DYNC1I1: variants seen among roughly 807,000 people sequenced by gnomAD.
DYNC1I1 encodes dynein cytoplasmic 1 intermediate chain 1.
DYNC1I1 carries 43 observed loss-of-function variants against 86.6 expected under a neutral mutation model. That is an observed-to-expected ratio of 0.50 (90% confidence interval 0.39 to 0.64). DYNC1I1 has a LOEUF of 0.64. DYNC1I1 is among the 30% of genes least tolerant of loss of function. The pLI is 0.00. For synonymous variants in DYNC1I1, 262 were observed against 283.7 expected, an observed-to-expected ratio of 0.92 and a Z score of 0.77; for missense variants, 604 against 788.8, an observed-to-expected ratio of 0.77 and a Z score of 2.81.
Position 95,806,655 on chromosome 7 carries a change from A to G in DYNC1I1, c.108+1818A>G, listed in dbSNP as rs570130437. On this transcript the variant is annotated intron_variant, in intron 2 of 16. Coordinates refer to ENST00000447467, the MANE Select transcript of DYNC1I1 (RefSeq NM_001135556.2). The stretch of plus-strand genomic sequence containing the variant: ...GCTCTACAGAGTCAGATGGCAATAC[A>G]GAGTCCGAGTCTTCCATCCTCAAAG... Among the ~76,000 whole-genome samples, 17 of 152,348 alleles carry G rather than the reference A, an allele frequency of 1.1e-4. No homozygotes were observed. In the South Asian group the frequency reaches 3.5e-3, roughly 32 times the overall value.
At chr7:95,838,373 A>G (rs1789177331) in intron 5 of DYNC1I1, among the ~76,000 whole-genome samples, 1 of 152,108 alleles carries the variant, frequency 6.6e-6, no homozygotes, top group Non-Finnish European at 1.5e-5. Flanking sequence ...TAATTTCTGG[A>G]ATCTCCATTC....
intron 9 of DYNC1I1, among the ~76,000 whole-genome samples, chr7:95,995,519 T>TA (rs1793844390): frequency 6.6e-6 from 1 of 152,178 alleles, no homozygotes; most frequent in Non-Finnish European, 1.5e-5. Flanking sequence ...ACCAGCATGT[T>TA]AAGCTTATTA....
At chr7:95,782,357 G>A (rs1794015469) in intron 1 of DYNC1I1, among the ~76,000 whole-genome samples, 1 of 152,156 alleles carries the variant, frequency 6.6e-6, no homozygotes, top group South Asian at 2.1e-4. Flanking sequence ...CACCCCTAGG[G>A]ACACTGACTG....
intron 6 of DYNC1I1, among the ~76,000 whole-genome samples, chr7:95,903,431 G>T (rs762621831): frequency 6.6e-6 from 1 of 152,174 alleles, no homozygotes; most frequent in Non-Finnish European, 1.5e-5. Flanking sequence ...GTCACAGCTA[G>T]TTCTAGCTGG....
intron 6 of DYNC1I1, among the ~76,000 whole-genome samples, chr7:95,955,014 G>T (rs191659663): frequency 1.3e-5 from 2 of 150,024 alleles, no homozygotes; most frequent in African/African-American, 4.9e-5. Context: ...TATGCAACAT[G>T]TGCTCCCCGG....
At chr7:95,995,595 G>A (rs1024621620) in intron 9 of DYNC1I1, among the ~76,000 whole-genome samples, 3 of 152,196 alleles carry the variant, frequency 2.0e-5, no homozygotes, top group African/African-American at 7.2e-5. Context: ...GTAATAGAAG[G>A]AGAACCTGCA....
chr7:96,097,550 G>A lies in DYNC1I1; in HGVS notation c.1844G>A (p.Arg615Lys), dbSNP rs1584320013. The change falls in exon 17 of 17, where the codon AGA becomes AAA. Residue 615 changes from arginine (R) to lysine (K), a missense_variant. Transcript: ENST00000447467. The part of the protein sequence containing the change: ...ARTLVEIRAN[R>K]ADSEEEGTVE... The stretch of plus-strand genomic sequence containing the variant: ...ACCCTTGTGGAAATTCGTGCTAACA[G>A]AGCTGATAGCGAGGAGGAAGGCACT... The A allele has an allele frequency of 6.2e-7, 1 of 1,613,840 alleles. No individual in the cohort carries two copies. The highest frequency in any genetic ancestry group is 8.5e-7 in the Non-Finnish European group (1 of 1,179,790).
chr7:96,096,596 A>G (rs546489971), intron 16 of DYNC1I1, among the ~76,000 whole-genome samples: 4 of 152,122 alleles, frequency 2.6e-5, no homozygotes, highest in Admixed American at 6.6e-5. Context: ...ATGTGGAGAA[A>G]TCATTATCCT....
intron 10 of DYNC1I1, among the ~76,000 whole-genome samples, chr7:96,013,745 GTTACTGCAGCAAGAGCAAATTAA>G (rs537841751): frequency 8.0e-4 from 121 of 152,166 alleles, no homozygotes; most frequent in African/African-American, 2.7e-3. Context: ...CAGGTAATTT[GTTACTGCAGCAAGAGCAAATTAA>G]TGCTAATGCC....
intron 10 of DYNC1I1, among the ~76,000 whole-genome samples, chr7:95,999,092 C>G (rs562963751): frequency 2.2e-4 from 33 of 152,180 alleles, no homozygotes; most frequent in Non-Finnish European, 4.3e-4. Context: ...TTGGTGGACC[C>G]TGCATAGAAA....
At chr7:95,886,632 A>T (rs1190107313) in intron 6 of DYNC1I1, among the ~76,000 whole-genome samples, 1 of 152,178 alleles carries the variant, frequency 6.6e-6, no homozygotes, top group Non-Finnish European at 1.5e-5. Context: ...AGAAGACAAC[A>T]ATTTTTTATC....
At chr7:95,899,833 G>C (rs1790988843) in intron 6 of DYNC1I1, among the ~76,000 whole-genome samples, 1 of 152,120 alleles carries the variant, frequency 6.6e-6, no homozygotes. Flanking sequence ...TCTTTTCTAT[G>C]AATATTCTCC....
chr7:95,804,423 T>G, intron 1 of DYNC1I1: 1 of 1,235,896 alleles, frequency 8.1e-7, no homozygotes, highest in Non-Finnish European at 1.1e-6. Flanking sequence ...TTAAGAAACT[T>G]GTATAGAAAA....
chr7:95,829,931 C>T (rs1010100042), intron 5 of DYNC1I1, among the ~76,000 whole-genome samples: 2 of 151,948 alleles, frequency 1.3e-5, no homozygotes, highest in African/African-American at 4.8e-5. Context: ...AATTTCAATG[C>T]CCACTGTAGG....
intron 1 of DYNC1I1, chr7:95,804,288 C>A: frequency 9.6e-7 from 1 of 1,042,588 alleles, no homozygotes. Context: ...CAGGGCATAT[C>A]TCTAGGGGTT....
At chr7:95,981,984 A>C (rs138282711) in intron 7 of DYNC1I1, among the ~76,000 whole-genome samples, 1 of 152,254 alleles carries the variant, frequency 6.6e-6, no homozygotes, top group East Asian at 1.9e-4. Context: ...ACTTTGTGGA[A>C]TCCATTAATC....
chr7:95,941,614 G>A (rs993541802), intron 6 of DYNC1I1, among the ~76,000 whole-genome samples: 5 of 152,234 alleles, frequency 3.3e-5, no homozygotes, highest in Non-Finnish European at 7.3e-5. Context: ...GCCAGGTGCA[G>A]GATATAATCT....
chr7:95,879,655 G>C (rs545036534), intron 6 of DYNC1I1, among the ~76,000 whole-genome samples: 1 of 152,238 alleles, frequency 6.6e-6, no homozygotes, highest in South Asian at 2.1e-4. Context: ...ATACATTTTA[G>C]ACAGTTAAGG....
intron 5 of DYNC1I1, chr7:95,837,519 T>C (rs1789137371): frequency 6.5e-6 from 1 of 152,878 alleles, no homozygotes; most frequent in Non-Finnish European, 1.5e-5. Context: ...CCCGGCTGCT[T>C]TGTTTACCTA....
Sources: allele counts gnomAD v4.1 joint callset (sites outside exome capture counted in the v4.1 genomes callset), GRCh38; gene constraint gnomAD v4.1.1; transcripts MANE v1.5; gene names NCBI Gene and HGNC (gene_info 2026-07-23, HGNC 2026-07-21).